The following NGRN variants were observed in gnomAD, a reference collection of about 807,000 sequenced individuals.
NGRN encodes the protein neugrin, neurite outgrowth associated.
Under a neutral mutation model 13.1 loss-of-function variants are expected in NGRN, and 12 were observed. That is an observed-to-expected ratio of 0.92 (90% CI 0.59 to 1.49). NGRN has a LOEUF of 1.49. Among genes scored for constraint, NGRN ranks in the 40% most tolerant of loss-of-function variants. The pLI, the probability that NGRN is intolerant of heterozygous loss-of-function variation, is 0.00. For synonymous variants in NGRN, 149 were observed against 145.8 expected, an observed-to-expected ratio of 1.02 and a Z score of -0.16; for missense variants, 397 against 357.0, an observed-to-expected ratio of 1.11 and a Z score of -0.90.
At position 90,271,480 on chromosome 15, in the gene NGRN, G is replaced by C. The variant is rs766130378; in HGVS notation, c.568G>C (p.Ala190Pro). ...ASSKDPNHST[A>P]LKVIESDTHR... ...ATCTAAAGACCCAAATCACAGCACA[G>C]CTTTGAAAGTGATAGAGTCAGACAC... The change falls in exon 3 of 3, where the codon GCT becomes CCT. Residue 190 changes from alanine (A) to proline (P), a missense_variant. Transcript: ENST00000379095. 3 of 1,614,066 alleles carry C rather than the reference G, an allele frequency of 1.9e-6. No individual in the cohort carries two copies. In the Admixed American group the frequency reaches 5.0e-5, roughly 27 times the overall value.
chr15:90,267,862 T>C (rs1429335945), intron 2 of NGRN, among the ~76,000 whole-genome samples: 1 of 152,332 alleles, frequency 6.6e-6, no homozygotes, highest in Middle Eastern at 3.4e-3. Context: ...CTACATAGAT[T>C]ATGTACTATT....
chr15:90,267,344 A>G (rs916914225), intron 2 of NGRN, among the ~76,000 whole-genome samples: 2 of 152,052 alleles, frequency 1.3e-5, no homozygotes, highest in African/African-American at 2.4e-5. Flanking sequence ...ACTATTTTTA[A>G]TAGTTTTTCT....
chr15:90,271,139 T>C, intron 2 of NGRN, 49 bp from the exon 3 acceptor site: 1 of 1,575,764 alleles, frequency 6.3e-7, no homozygotes, highest in Non-Finnish European at 8.6e-7. Context: ...TTAGATGTTC[T>C]GATAGGAGAC....
chr15:90,271,015 C>G lies in NGRN; in HGVS notation c.276-173C>G, dbSNP rs75803970. ...GCTCAGGCACAAGAATCACTGGTCT[C>G]GAACTCCTGGGCTCAAGTGATCCGC... On this transcript the variant is annotated intron_variant, in intron 2 of 2. Transcript: ENST00000379095. Among the ~76,000 whole-genome samples the G allele has an allele frequency of 2.0e-3, 312 of 152,270 alleles. 7 individuals carry two copies. In the East Asian group the frequency reaches 0.046, roughly 22 times the overall value.
intron 2 of NGRN, among the ~76,000 whole-genome samples, chr15:90,268,454 A>G (rs1434578241): frequency 1.3e-5 from 2 of 150,712 alleles, no homozygotes; most frequent in Non-Finnish European, 2.9e-5. Context: ...CTCTTTGCCC[A>G]CTACTCTCAA....
Position 90,271,970 on chromosome 15 carries a change from A to G in NGRN, c.*182A>G, listed in dbSNP as rs368160274. On this transcript the variant is annotated 3_prime_UTR_variant, in exon 3 of 3. Transcript: ENST00000379095. ...TCAAACTTCCTGTGGTAGTGCTCCCAGTCTGACCTCTGTAGACCTTCAGTA... is the reference window on the plus strand; with the variant it reads ...TCAAACTTCCTGTGGTAGTGCTCCCGGTCTGACCTCTGTAGACCTTCAGTA... 2.2e-5 allele frequency: 16 copies of G among 741,096 alleles called. No homozygotes were observed. In the East Asian group the frequency reaches 3.8e-4, roughly 18 times the overall value. 45.9% of individuals were successfully genotyped at this position (741,096 alleles called of 1,614,324 possible). A position where few individuals can be genotyped will look rare whatever the true frequency, so the allele number is the denominator to read the frequency against.
intron 1 of NGRN, 66 bp downstream of exon 1, chr15:90,265,942 C>A: frequency 7.0e-7 from 1 of 1,432,090 alleles, no homozygotes; most frequent in Non-Finnish European, 9.1e-7. Flanking sequence ...CCAGGCCGCG[C>A]CCCCTTGGCG....
chr15:90,270,884 G>A (rs1442890123), intron 2 of NGRN, among the ~76,000 whole-genome samples: 1 of 152,168 alleles, frequency 6.6e-6, no homozygotes, highest in African/African-American at 2.4e-5. Flanking sequence ...CTGGAGTGCA[G>A]TGGTGCAGTG....
chr15:90,265,937 C>A (rs1256315989), intron 1 of NGRN, 61 bp downstream of exon 1: 10 of 1,433,384 alleles, frequency 7.0e-6, no homozygotes, highest in Non-Finnish European at 7.3e-6. Context: ...GCGCTCCAGG[C>A]CGCGCCCCCT....
intron 2 of NGRN, 60 bp downstream of exon 2, chr15:90,266,458 C>T (rs909185293): frequency 7.3e-7 from 1 of 1,373,420 alleles, no homozygotes; most frequent in Non-Finnish European, 1.0e-6. Flanking sequence ...ATGCTGGAGC[C>T]CAGAAACGGG....
chr15:90,271,611 G>A lies in NGRN; in HGVS notation c.699G>A (p.Glu233=). The A allele has an allele frequency of 6.2e-7, 1 of 1,614,200 alleles. No homozygotes were observed. The highest frequency in any genetic ancestry group is 8.5e-7 in the Non-Finnish European group (1 of 1,180,038). Residue 233 remains glutamate (E), a synonymous_variant, in exon 3 of 3, where the codon GAG becomes GAA. Transcript: ENST00000379095. The part of the protein sequence containing the change: ...PVAAPLGHPR[E]LQKYSSDSES... ...CTGCACCCCTAGGTCATCCAAGAGA[G>A]CTGCAGAAGTACTCCAGTGATTCTG...
At position 90,266,223 on chromosome 15, in the gene NGRN, T is replaced by C. The variant is rs563035474; in HGVS notation, c.165-65T>C. 1.1e-5 allele frequency: 17 copies of C among 1,556,540 alleles called. No homozygotes were observed. In the South Asian group the frequency reaches 1.9e-4, roughly 17 times the overall value. On this transcript the variant is annotated intron_variant, in intron 1 of 2. Coordinates refer to ENST00000379095, the MANE Select transcript of NGRN (RefSeq NM_001033088.3). Reference sequence around the variant, plus strand: ...GGGCTGGGCGCTCCATGATTTAGCCTGAGGCTCTTCAAACATCCATTCTGC... The same window carrying C: ...GGGCTGGGCGCTCCATGATTTAGCCCGAGGCTCTTCAAACATCCATTCTGC...
intron 2 of NGRN, among the ~76,000 whole-genome samples, chr15:90,267,520 G>C (rs956067432): frequency 1.3e-5 from 2 of 151,820 alleles, no homozygotes; most frequent in African/African-American, 4.8e-5. Context: ...TTATTTATTT[G>C]ACAGAGATGG....
rs1433004835 is a variant in NGRN, at chr15:90,271,233, G to A, written c.321G>A (p.Leu107=). The stretch of plus-strand genomic sequence containing the variant: ...CAGAGTCCTGGTCAGTTCCCAGGTT[G>A]GCTGAAGGCTTTGATGTCAGCACTG... ...EFPESWSVPR[L]AEGFDVSTDV... Residue 107 remains leucine, a synonymous_variant, in exon 3 of 3, where the codon TTG becomes TTA. Coordinates refer to ENST00000379095, the MANE Select transcript of NGRN (RefSeq NM_001033088.3). 1 of 1,614,158 alleles carries A rather than the reference G, an allele frequency of 6.2e-7. No individual in the cohort carries two copies. The highest frequency in any genetic ancestry group is 1.1e-5 in the South Asian group (1 of 91,086).
chr15:90,270,039 A>G (rs1217027454), intron 2 of NGRN, among the ~76,000 whole-genome samples: 1 of 152,152 alleles, frequency 6.6e-6, no homozygotes, highest in East Asian at 1.9e-4. Flanking sequence ...TTGTCACTGA[A>G]AAACTACCAC....
intron 1 of NGRN, 153 bp downstream of exon 1, chr15:90,266,029 C>T (rs11547108): frequency 1.4e-6 from 2 of 1,389,372 alleles, no homozygotes; most frequent in Non-Finnish European, 9.2e-7. Flanking sequence ...GTCAGGTGTT[C>T]AGCTCCCCTG....
intron 2 of NGRN, among the ~76,000 whole-genome samples, 172 bp from the exon 3 acceptor site, chr15:90,271,016 G>A (rs534089025): frequency 1.3e-5 from 2 of 152,102 alleles, no homozygotes; most frequent in South Asian, 2.1e-4. Context: ...CACTGGTCTC[G>A]AACTCCTGGG....
intron 2 of NGRN, among the ~76,000 whole-genome samples, chr15:90,269,632 T>C (rs1012117743): frequency 2.0e-5 from 3 of 152,214 alleles, no homozygotes; most frequent in Non-Finnish European, 2.9e-5. Context: ...CAGTCACCCC[T>C]GCTATTGGCT....
chr15:90,266,075 C>A, intron 1 of NGRN, 199 bp downstream of exon 1: 2 of 1,423,116 alleles, frequency 1.4e-6, no homozygotes, highest in Non-Finnish European at 1.8e-6. Flanking sequence ...CGTATTTCAT[C>A]ATCAGTTTAG....
Sources: gnomAD v4.1 joint callset for allele counts (sites outside exome capture counted in the v4.1 genomes callset) on GRCh38, gnomAD v4.1.1 for gene constraint, MANE v1.5 for transcripts, NCBI Gene and HGNC (gene_info 2026-07-23, HGNC 2026-07-21) for gene names.